The following NCOA1 variants were observed in gnomAD, a reference collection of about 807,000 sequenced individuals.
NCOA1 encodes Hin-2 protein.
In NCOA1, 35 loss-of-function variants were observed where a neutral mutation model predicts 150.9. That is an observed-to-expected ratio of 0.23 (90% CI 0.18 to 0.31). The LOEUF (loss-of-function observed/expected upper bound fraction) is 0.31. NCOA1 is among the 10% of genes least tolerant of loss of function. The probability of loss-of-function intolerance (pLI) is 1.00; values close to 1 mark genes in which losing one functional copy is unlikely to be tolerated. For missense variants in NCOA1, 1,491 were observed against 1,749.3 expected (o/e 0.85, Z 2.63); for synonymous variants, 590 against 630.0 (o/e 0.94, Z 0.95).
intron 12 of NCOA1, 26 bp from the exon 13 acceptor site, chr2:24,706,542 G>A: frequency 6.4e-7 from 1 of 1,550,860 alleles, no homozygotes; most frequent in Non-Finnish European, 8.7e-7. Context: ...GAAGATGTTT[G>A]AATAATAATG....
chr2:24,668,179 G>A (rs1188424692), intron 6 of NCOA1, among the ~76,000 whole-genome samples: 1 of 152,022 alleles, frequency 6.6e-6, no homozygotes, highest in African/African-American at 2.4e-5. Context: ...GAAACTTATA[G>A]GATTAGTTCA....
intron 15 of NCOA1, among the ~76,000 whole-genome samples, chr2:24,726,965 C>T (rs1436245319): frequency 6.6e-6 from 1 of 151,320 alleles, no homozygotes; most frequent in African/African-American, 2.4e-5. Context: ...GGTGAAACCC[C>T]ATCTCTACTA....
intron 1 of NCOA1, among the ~76,000 whole-genome samples, chr2:24,553,536 C>T (rs1205389160): frequency 6.6e-6 from 1 of 152,004 alleles, no homozygotes; most frequent in Non-Finnish European, 1.5e-5. Flanking sequence ...GTTTTTTTCC[C>T]CATTAATTAA....
At chr2:24,672,662 A>T (rs1303848784) in intron 6 of NCOA1, among the ~76,000 whole-genome samples, 4 of 152,180 alleles carry the variant, frequency 2.6e-5, no homozygotes, top group Non-Finnish European at 5.9e-5. Context: ...CTCCCAAAGC[A>T]CTGAGATTAC....
chr2:24,720,648 C>T (rs1333409268), intron 14 of NCOA1, among the ~76,000 whole-genome samples: 1 of 151,580 alleles, frequency 6.6e-6, no homozygotes, highest in Non-Finnish European at 1.5e-5. Context: ...ATTCAGAGAC[C>T]ATAAGGCTAA....
At chr2:24,684,349 A>G (rs1464121173) in intron 8 of NCOA1, among the ~76,000 whole-genome samples, 1 of 152,218 alleles carries the variant, frequency 6.6e-6, no homozygotes, top group Non-Finnish European at 1.5e-5. Context: ...GCCTACAGTC[A>G]CAGAAAACAA....
chr2:24,498,801 T>C (rs1361245022), intron 1 of NCOA1, among the ~76,000 whole-genome samples: 1 of 152,148 alleles, frequency 6.6e-6, no homozygotes. Flanking sequence ...GAAATGTCAA[T>C]TTTCCAAATT....
intron 1 of NCOA1, among the ~76,000 whole-genome samples, chr2:24,495,226 T>C (rs963577395): frequency 2.0e-5 from 3 of 151,916 alleles, no homozygotes; most frequent in African/African-American, 7.3e-5. Context: ...GAAATTATTA[T>C]AAAACGCTGA....
chr2:24,630,851 G>A (rs1004578201), intron 3 of NCOA1, among the ~76,000 whole-genome samples: 1 of 151,996 alleles, frequency 6.6e-6, no homozygotes, highest in Non-Finnish European at 1.5e-5. Context: ...ATTAGAAAAA[G>A]CAAACAACTT....
At chr2:24,733,631 T>G (rs979921702) in intron 17 of NCOA1, among the ~76,000 whole-genome samples, 23 of 151,782 alleles carry the variant, frequency 1.5e-4, no homozygotes, top group African/African-American at 5.6e-4. Flanking sequence ...GTAATCCCAG[T>G]TACTGGGGAG....
At chr2:24,548,098 A>T (rs1292830879) in intron 1 of NCOA1, among the ~76,000 whole-genome samples, 1 of 151,880 alleles carries the variant, frequency 6.6e-6, no homozygotes, top group Non-Finnish European at 1.5e-5. Flanking sequence ...GTATTGTATT[A>T]CTCTGTTTTC....
chr2:24,750,005 G>A (rs577049066), intron 19 of NCOA1, among the ~76,000 whole-genome samples: 1 of 152,050 alleles, frequency 6.6e-6, no homozygotes, highest in South Asian at 2.1e-4. Flanking sequence ...TCAAACTTCT[G>A]GAGATGAAAA....
intron 1 of NCOA1, among the ~76,000 whole-genome samples, chr2:24,531,477 T>G (rs1664898927): frequency 6.6e-6 from 1 of 152,102 alleles, no homozygotes. Context: ...TTATTTAAGT[T>G]GTAGGGTACA....
intron 1 of NCOA1, among the ~76,000 whole-genome samples, chr2:24,511,302 A>G (rs1326602916): frequency 6.6e-6 from 1 of 152,198 alleles, no homozygotes; most frequent in Non-Finnish European, 1.5e-5. Flanking sequence ...TCTTGAGTAT[A>G]TGAATTGCGG....
chr2:24,759,890 ATGTTC>A (rs1664694352), intron 21 of NCOA1, among the ~76,000 whole-genome samples: 1 of 151,892 alleles, frequency 6.6e-6, no homozygotes, highest in Admixed American at 6.6e-5. Flanking sequence ...ATATTTATAT[ATGTTC>A]TGTTCCCTGC....
intron 11 of NCOA1, among the ~76,000 whole-genome samples, chr2:24,700,590 G>A (rs1673113062): frequency 6.6e-6 from 1 of 152,158 alleles, no homozygotes; most frequent in South Asian, 2.1e-4. Flanking sequence ...TAAAGCCACG[G>A]TTTTACATTG....
chr2:24,537,702 A>C (rs1051116321), intron 1 of NCOA1, among the ~76,000 whole-genome samples: 1 of 152,118 alleles, frequency 6.6e-6, no homozygotes, highest in Admixed American at 6.5e-5. Flanking sequence ...GTATTATGTT[A>C]GGGGTTTTTG....
chr2:24,737,185 G>C (rs974162206), intron 17 of NCOA1, among the ~76,000 whole-genome samples: 1 of 152,144 alleles, frequency 6.6e-6, no homozygotes, highest in Non-Finnish European at 1.5e-5. Flanking sequence ...TTTTGGGAAG[G>C]CTATGTTGGA....
intron 1 of NCOA1, among the ~76,000 whole-genome samples, chr2:24,523,872 G>A (rs1204391717): frequency 3.8e-5 from 5 of 131,062 alleles, no homozygotes; most frequent in African/African-American, 1.4e-4. Context: ...GGTACAGTGA[G>A]CCGAGATCGT....
Sources: allele counts gnomAD v4.1 joint callset (sites outside exome capture counted in the v4.1 genomes callset), GRCh38; gene constraint gnomAD v4.1.1; transcripts MANE v1.5; gene names NCBI Gene and HGNC (gene_info 2026-07-23, HGNC 2026-07-21).